Variants in IRGM observed in about 807,000 individuals in gnomAD.
IRGM encodes the protein immunity related GTPase M.
For missense variants in IRGM, 288 were observed against 219.9 expected (o/e 1.31, Z -1.96); for synonymous variants, 98 against 80.6 (o/e 1.22, Z -1.16).
chr5:150,864,109 G>A (rs1754173209), intron 1 of IRGM, among the ~76,000 whole-genome samples: 1 of 152,046 alleles, frequency 6.6e-6, no homozygotes, highest in South Asian at 2.1e-4. Flanking sequence ...CACAGAGCTG[G>A]AATCTATCCA....
rs1465308333 is a variant in IRGM at position 150,848,475 on chromosome 5, G to C, written c.352G>C (p.Val118Leu). The C allele has an allele frequency of 6.4e-7, 1 of 1,551,806 alleles. No individual in the cohort carries two copies. Among genetic ancestry groups the C allele is most frequent in the South Asian group, 1.2e-5 (1 of 84,060 alleles). Residue 118 changes from valine to leucine, a missense_variant, in exon 2 of 2, where the codon GTT becomes CTT. Transcript: ENST00000522154. The stretch of plus-strand genomic sequence containing the variant: ...GTTCAACCGGTATGACTTCATCATG[G>C]TTGCATCTGCACAATTCAGCATGAA... ...MQFNRYDFIM[V>L]ASAQFSMNHV...
Position 150,862,587 on chromosome 5 carries a change from CCTTCT to C in IRGM, c.158+13937_158+13941del, listed in dbSNP as rs557722177. Among the ~76,000 whole-genome samples the C allele has an allele frequency of 9.5e-4, 144 of 152,282 alleles. 1 individual carries two copies. Among genetic ancestry groups the C allele is most frequent in the African/African-American group, 3.3e-3 (138 of 41,558 alleles). The stretch of plus-strand genomic sequence containing the variant: ...TTAAGAATTGCCATCTGATCTGCCA[CCTTCT>C]CTTTTATTCTCTCCCCAAGCAAGTT... On this transcript the variant is annotated intron_variant and NMD_transcript_variant, in intron 1 of 3. Transcript: ENST00000520549.
At chr5:150,897,474 C>T (rs562966455) in intron 3 of IRGM, 75 of 154,992 alleles carry the variant, frequency 4.8e-4, no homozygotes, top group Non-Finnish European at 3.3e-4. Flanking sequence ...AGAATACAGA[C>T]GTAAATTCCA....
chr5:150,897,009 C>T, intron 3 of IRGM: 1 of 1,517,830 alleles, frequency 6.6e-7, no homozygotes, highest in South Asian at 1.2e-5. Flanking sequence ...AGAGTCATCA[C>T]AAGAGTCAAT....
intron 1 of IRGM, among the ~76,000 whole-genome samples, chr5:150,864,991 T>TTCCCATCTC (rs951742521): frequency 3.9e-5 from 6 of 152,202 alleles, no homozygotes. Context: ...CACAGACCAT[T>TTCCCATCTC]TCCCATCTCT....
chr5:150,873,059 G>C (rs1028924538), intron 1 of IRGM, among the ~76,000 whole-genome samples: 1 of 152,194 alleles, frequency 6.6e-6, no homozygotes. Flanking sequence ...GGTGGCACGA[G>C]CCAAGTGGCG....
chr5:150,857,455 G>A (rs1010021241), intron 1 of IRGM, among the ~76,000 whole-genome samples: 3 of 152,078 alleles, frequency 2.0e-5, no homozygotes, highest in African/African-American at 4.8e-5. Flanking sequence ...GTAATGGGAT[G>A]GCTGGGTCAA....
chr5:150,899,352 A>G (rs1187289056), intron 3 of IRGM, among the ~76,000 whole-genome samples: 1 of 152,168 alleles, frequency 6.6e-6, no homozygotes, highest in African/African-American at 2.4e-5. Context: ...AAGTAACAAA[A>G]TAAGACACAG....
downstream of IRGM, among the ~76,000 whole-genome samples, chr5:150,850,869 G>A (rs1581639131): frequency 6.6e-6 from 1 of 152,188 alleles, no homozygotes. Context: ...CAGGAGGACT[G>A]CGAGGCAAAG....
chr5:150,852,705 C>T (rs1056377584), downstream of IRGM, among the ~76,000 whole-genome samples: 1 of 151,964 alleles, frequency 6.6e-6, no homozygotes, highest in African/African-American at 2.4e-5. Context: ...GCCAATTCTC[C>T]ATTGAGGCTT....
chr5:150,891,933 C>T (rs927266208), intron 3 of IRGM, among the ~76,000 whole-genome samples: 11 of 152,170 alleles, frequency 7.2e-5, no homozygotes, highest in Admixed American at 5.9e-4. Flanking sequence ...TATCATCAAC[C>T]AGAACACAAC....
intron 1 of IRGM, among the ~76,000 whole-genome samples, chr5:150,857,071 T>A (rs1366214687): frequency 6.6e-6 from 1 of 151,956 alleles, no homozygotes; most frequent in Non-Finnish European, 1.5e-5. Context: ...CCTAATGCTA[T>A]CCCTCCCTCC....
chr5:150,860,383 G>T (rs2113263446), intron 1 of IRGM, among the ~76,000 whole-genome samples: 1 of 152,292 alleles, frequency 6.6e-6, no homozygotes, highest in Non-Finnish European at 1.5e-5. Context: ...TTGAGTTTCA[G>T]TTCTCTTTCT....
chr5:150,876,771 A>T (rs1340640019), intron 1 of IRGM, among the ~76,000 whole-genome samples: 1 of 152,194 alleles, frequency 6.6e-6, no homozygotes, highest in East Asian at 1.9e-4. Flanking sequence ...GTGCTTGCTG[A>T]AGTCAAAGGG....
At chr5:150,861,099 A>G (rs2113264422) in intron 1 of IRGM, among the ~76,000 whole-genome samples, 1 of 152,246 alleles carries the variant, frequency 6.6e-6, no homozygotes, top group East Asian at 1.9e-4. Flanking sequence ...ATGTGGTGGG[A>G]GCTATAACCT....
intron 1 of IRGM, among the ~76,000 whole-genome samples, chr5:150,873,408 C>T (rs6873549): frequency 6.6e-6 from 1 of 152,164 alleles, no homozygotes; most frequent in Non-Finnish European, 1.5e-5. Flanking sequence ...ACACTACCAA[C>T]AATTTATGCT....
At chr5:150,896,343 C>T (rs770631823) in intron 3 of IRGM, 1 of 1,613,538 alleles carries the variant, frequency 6.2e-7, no homozygotes, top group Non-Finnish European at 8.5e-7. Flanking sequence ...GCATGCACCA[C>T]AATCATATGG....
At chr5:150,852,652 T>C (rs1753992867), downstream of IRGM, among the ~76,000 whole-genome samples, 1 of 152,118 alleles carries the variant, frequency 6.6e-6, no homozygotes, top group Admixed American at 6.5e-5. Context: ...GAGAGAACTC[T>C]AAGGACATAA....
intron 1 of IRGM, among the ~76,000 whole-genome samples, chr5:150,854,297 G>A (rs1048573922): frequency 4.6e-5 from 7 of 151,880 alleles, no homozygotes; most frequent in African/African-American, 1.7e-4. Flanking sequence ...AATTATTTTT[G>A]TGAATTTGCC....
Sources: allele counts gnomAD v4.1 joint callset (sites outside exome capture counted in the v4.1 genomes callset), GRCh38; gene constraint gnomAD v4.1.1; transcripts MANE v1.5; gene names NCBI Gene and HGNC (gene_info 2026-07-23, HGNC 2026-07-21).